Variants in DNASE1L3 observed in about 807,000 individuals in gnomAD.
DNASE1L3 encodes deoxyribonuclease 1L3, also known as deoxyribonuclease gamma.
Under a neutral mutation model 30.9 loss-of-function variants are expected in DNASE1L3, and 27 were observed. The observed-to-expected ratio is 0.87, with a 90% CI of 0.64 to 1.20. The LOEUF (loss-of-function observed/expected upper bound fraction) is 1.20, where lower values mean the gene tolerates loss of function less well. Ranked by LOEUF, DNASE1L3 falls within the 50% of genes most tolerant of loss-of-function variation. DNASE1L3 has a pLI of 0.00. For missense variants in DNASE1L3, 364 were observed against 378.2 expected, an observed-to-expected ratio of 0.96 and a Z score of 0.31; for synonymous variants, 135 against 138.0, an observed-to-expected ratio of 0.98 and a Z score of 0.15.
chr3:58,199,308 A>G (rs1192853107), intron 5 of DNASE1L3, among the ~76,000 whole-genome samples: 1 of 152,198 alleles, frequency 6.6e-6, no homozygotes, highest in Non-Finnish European at 1.5e-5. Context: ...CTTCTATAGA[A>G]ACAGGATTGA....
chr3:58,192,662 G>A lies in DNASE1L3; in HGVS notation c.*25C>T. The A allele has an allele frequency of 1.2e-6, 2 of 1,600,432 alleles. No homozygotes were observed. Among genetic ancestry groups the A allele is most frequent in the Non-Finnish European group, 1.7e-6 (2 of 1,172,742 alleles). ...GACATTTTATTTAGAGGCAAGAAAT[G>A]GTTAATAAGATGAGACCCTTGGGTC... On this transcript the variant is annotated 3_prime_UTR_variant, in exon 8 of 8. Transcript: ENST00000394549. The surrounding 1 kb of genome is among the most constrained non-coding windows in gnomAD (Gnocchi z 4.8).
intron 4 of DNASE1L3, among the ~76,000 whole-genome samples, chr3:58,204,209 C>T (rs565519459): frequency 3.3e-4 from 50 of 150,348 alleles, no homozygotes; most frequent in African/African-American, 1.2e-3. Context: ...GGTACGATCT[C>T]GGCTCACTGC....
chr3:58,209,496 G>T (rs1238270324), intron 1 of DNASE1L3, among the ~76,000 whole-genome samples: 1 of 152,182 alleles, frequency 6.6e-6, no homozygotes, highest in Non-Finnish European at 1.5e-5. Context: ...TGCTATCCTG[G>T]CTAAACAACA....
intron 3 of DNASE1L3, 77 bp downstream of exon 3, chr3:58,205,394 T>G: frequency 7.3e-7 from 1 of 1,362,102 alleles, no homozygotes. Context: ...AATTTGGTTT[T>G]GAAGAAAAGA....
intron 2 of DNASE1L3, 112 bp downstream of exon 2, chr3:58,208,106 T>C: frequency 2.0e-6 from 2 of 1,011,612 alleles, no homozygotes; most frequent in South Asian, 2.9e-5. Flanking sequence ...ACACTGGCTG[T>C]GTGAACTGGT....
Position 58,197,945 on chromosome 3 carries a change from A to T in DNASE1L3, c.580T>A (p.Cys194Ser). 6.2e-7 allele frequency: 1 copy of T among 1,613,734 alleles called. No homozygotes were observed. The highest frequency in any genetic ancestry group is 8.5e-7 in the Non-Finnish European group (1 of 1,179,852). Reference sequence around the variant, plus strand: ...CAGGCCTTCTTGGGGACGTAGCTGCAGCCGGCATTGAAGTCACCCATGAAA... The same window carrying T: ...CAGGCCTTCTTGGGGACGTAGCTGCTGCCGGCATTGAAGTCACCCATGAAA... ...FIFMGDFNAG[C>S]SYVPKKAWKN... Residue 194 changes from cysteine (C) to serine (S), a missense_variant, in exon 6 of 8, where the codon TGC (cysteine) becomes AGC (serine). Transcript: ENST00000394549. The surrounding 1 kb of genome is among the most constrained non-coding windows in gnomAD (Gnocchi z 5.3).
chr3:58,197,852 C>A lies in DNASE1L3; in HGVS notation c.673G>T (p.Val225Leu). Residue 225 changes from valine (V) to leucine (L), a missense_variant, in exon 6 of 8, where the codon GTG becomes TTG. By Grantham distance (32) the Val-to-Leu change is conservative (BLOSUM62 1). Transcript: ENST00000394549. The surrounding 1 kb of genome is among the most constrained non-coding windows in gnomAD (Gnocchi z 5.3). ...TATGCACAGTTGGTGCTCTTCTTCA[C>A]CGTGGTGTCCTCTTGGTCCCCGATC... is the stretch of plus-strand genomic sequence containing the variant. ...WLIGDQEDTT[V>L]KKSTNCAYDR... is the part of the protein sequence containing the mutation. The A allele has an allele frequency of 6.2e-7, 1 of 1,614,172 alleles. No individual in the cohort carries two copies. Among genetic ancestry groups the A allele is most frequent in the Non-Finnish European group, 8.5e-7 (1 of 1,180,048 alleles).
At chr3:58,207,645 A>T (rs2097405002) in intron 2 of DNASE1L3, 1 of 152,016 alleles carries the variant, frequency 6.6e-6, no homozygotes, top group Non-Finnish European at 1.5e-5. Flanking sequence ...ATTTAGCTCT[A>T]ACTTATTCTG....
At chr3:58,207,006 A>C (rs2097404414) in intron 2 of DNASE1L3, among the ~76,000 whole-genome samples, 1 of 152,134 alleles carries the variant, frequency 6.6e-6, no homozygotes, top group Non-Finnish European at 1.5e-5. Flanking sequence ...TGGCACCAGG[A>C]TCTACCATCT....
chr3:58,210,792 T>C lies in DNASE1L3; in HGVS notation c.115A>G (p.Lys39Glu), dbSNP rs1456163008. 3 of 1,614,046 alleles carry C rather than the reference T, an allele frequency of 1.9e-6. No individual in the cohort carries two copies. The highest frequency in any genetic ancestry group is 1.3e-5 in the African/African-American group (1 of 74,918). The stretch of plus-strand genomic sequence containing the variant: ...TTCACAATGACATCCATGGCATTCT[T>C]GTCTTCCTGCTTGCTTTCCCCAAAG... ...RSFGESKQED[K>E]NAMDVIVKVI... The change falls in exon 1 of 8, where the codon AAG becomes GAG. Residue 39 changes from lysine to glutamate, a missense_variant. Transcript: ENST00000394549.
chr3:58,202,332 T>G (rs1403774282), intron 4 of DNASE1L3, among the ~76,000 whole-genome samples: 2 of 143,088 alleles, frequency 1.4e-5, no homozygotes, highest in African/African-American at 2.6e-5. Flanking sequence ...TTTTTTTTTT[T>G]TTTTTTTTTT....
chr3:58,210,646 A>G, intron 1 of DNASE1L3, 120 bp downstream of exon 1: 2 of 1,479,800 alleles, frequency 1.4e-6, no homozygotes, highest in African/African-American at 1.4e-5. Flanking sequence ...TATTGTTCCA[A>G]GCCAGCTTCT....
rs12492123 is a variant in DNASE1L3, at chr3:58,200,248, C to G, written c.546+749G>C. On this transcript the variant is annotated intron_variant, in intron 5 of 7. Coordinates refer to ENST00000394549, the MANE Select transcript of DNASE1L3 (RefSeq NM_004944.4). The surrounding 1 kb of genome is among the most constrained non-coding windows in gnomAD (Gnocchi z 4.2). Reference sequence around the variant, plus strand: ...ACACAGATTTAGTCAATCAGAGTAGCTCAACACCCTGATCACAATGATTGG... The same window carrying G: ...ACACAGATTTAGTCAATCAGAGTAGGTCAACACCCTGATCACAATGATTGG... Among the ~76,000 whole-genome samples the G allele has an allele frequency of 0.25, 38,292 of 151,862 alleles. 5,041 individuals are homozygous for G. The highest frequency in any genetic ancestry group is 0.28 in the African/African-American group (11,714 of 41,356).
rs9849102 is a variant in DNASE1L3, at chr3:58,200,247, G to T, written c.546+750C>A. Reference sequence around the variant, plus strand: ...GACACAGATTTAGTCAATCAGAGTAGCTCAACACCCTGATCACAATGATTG... The same window carrying T: ...GACACAGATTTAGTCAATCAGAGTATCTCAACACCCTGATCACAATGATTG... On this transcript the variant is annotated intron_variant, in intron 5 of 7. Transcript: ENST00000394549. The surrounding 1 kb of genome is among the most constrained non-coding windows in gnomAD (Gnocchi z 4.2). Among the ~76,000 whole-genome samples the T allele has an allele frequency of 0.29, 43,451 of 151,862 alleles. 6,716 individuals carry two copies. Among genetic ancestry groups the T allele is most frequent in the African/African-American group, 0.39 (16,080 of 41,346 alleles).
chr3:58,203,098 C>T (rs935230423), intron 4 of DNASE1L3, among the ~76,000 whole-genome samples: 1 of 152,170 alleles, frequency 6.6e-6, no homozygotes. Flanking sequence ...GGGACTTCCC[C>T]TCATTCTCAG....
intron 1 of DNASE1L3, among the ~76,000 whole-genome samples, chr3:58,209,160 G>C (rs1484705778): frequency 6.6e-6 from 1 of 152,164 alleles, no homozygotes; most frequent in African/African-American, 2.4e-5. Flanking sequence ...TGGCATTCTC[G>C]GGTGACTGTG....
Position 58,193,163 on chromosome 3 carries a change from G to T in DNASE1L3, c.801+180C>A, listed in dbSNP as rs1023050320. The T allele has an allele frequency of 7.8e-6, 11 of 1,419,142 alleles. No individual in the cohort carries two copies. In the Admixed American group the frequency reaches 7.8e-5, roughly 10 times the overall value. The allele number at this position is 1,419,142 out of a possible 1,614,324, so 87.9% of individuals were successfully genotyped here. On this transcript the variant is annotated intron_variant, in intron 7 of 7. Coordinates refer to ENST00000394549, the MANE Select transcript of DNASE1L3 (RefSeq NM_004944.4). ...GCGATCTTGGCTCACTGCAACCTCC[G>T]CTTCCTGGACTCAAGTGATCCTCCC...
Position 58,193,449 on chromosome 3 carries a change from G to A in DNASE1L3, c.705-10C>T, listed in dbSNP as rs770832574. ...TCCTCTAAGCACAATCCTGGAACAA[G>A]GGGAGGGAAAACAGTTGTGTTAATC... On this transcript the variant is annotated splice_polypyrimidine_tract_variant and intron_variant, in intron 6 of 7. Transcript: ENST00000394549. 5 of 1,606,598 alleles carry A rather than the reference G, an allele frequency of 3.1e-6. No homozygotes were observed. Among genetic ancestry groups the A allele is most frequent in the South Asian group, 1.1e-5 (1 of 90,650 alleles).
chr3:58,209,329 A>G (rs1016732704), intron 1 of DNASE1L3, among the ~76,000 whole-genome samples: 1 of 152,176 alleles, frequency 6.6e-6, no homozygotes, highest in Non-Finnish European at 1.5e-5. Context: ...CTCACCAAGG[A>G]ACAAAAAGAC....
Sources: gnomAD v4.1 joint callset for allele counts (sites outside exome capture counted in the v4.1 genomes callset) on GRCh38, gnomAD v4.1.1 for gene constraint, Gnocchi (gnomAD v3.1) non-coding constraint, MANE v1.5 for transcripts, NCBI Gene and HGNC (gene_info 2026-07-23, HGNC 2026-07-21) for gene names.